SORCS3: variants seen among roughly 807,000 people sequenced by gnomAD.
The protein encoded by SORCS3 is sortilin related VPS10 domain containing receptor 3, also known as VPS10 domain-containing receptor SorCS3.
SORCS3 carries 57 observed loss-of-function variants against 146.3 expected under a neutral mutation model. The observed-to-expected ratio is 0.39, with a 90% CI of 0.31 to 0.49. The LOEUF (loss-of-function observed/expected upper bound fraction) is 0.49, where lower values mean the gene tolerates loss of function less well. Among genes scored for constraint, SORCS3 ranks in the 20% least tolerant of loss-of-function variants. The probability of loss-of-function intolerance (pLI) is 0.92; values close to 1 mark genes in which losing one functional copy is unlikely to be tolerated. For synonymous variants in SORCS3, 653 were observed against 618.5 expected, an observed-to-expected ratio of 1.06 and a Z score of -0.83; for missense variants, 1,341 against 1,575.5, an observed-to-expected ratio of 0.85 and a Z score of 2.52.
intron 14 of SORCS3, among the ~76,000 whole-genome samples, chr10:105,197,252 C>T (rs146863573): frequency 1.4e-4 from 21 of 152,254 alleles, no homozygotes; most frequent in Admixed American, 3.9e-4. Context: ...TGCAGTGTAC[C>T]GTCTTAGTCA....
At chr10:105,212,426 C>T (rs958228035) in intron 17 of SORCS3, among the ~76,000 whole-genome samples, 6 of 152,124 alleles carry the variant, frequency 3.9e-5, no homozygotes, top group Non-Finnish European at 8.8e-5. Context: ...GAGTATTATG[C>T]GCACAAGTTA....
At chr10:105,054,459 A>G (rs779634187) in intron 5 of SORCS3, among the ~76,000 whole-genome samples, 8 of 152,016 alleles carry the variant, frequency 5.3e-5, no homozygotes, top group Middle Eastern at 6.8e-3. Context: ...TATTTTAGAA[A>G]TCTCATATTA....
chr10:104,911,253 G>C (rs994650130), intron 2 of SORCS3, among the ~76,000 whole-genome samples: 2 of 152,238 alleles, frequency 1.3e-5, no homozygotes, highest in African/African-American at 4.8e-5. Flanking sequence ...GGCACTGTTG[G>C]TTCCATAGGC....
intron 3 of SORCS3, among the ~76,000 whole-genome samples, chr10:104,939,381 TG>T (rs1301138817): frequency 1.3e-5 from 2 of 152,214 alleles, no homozygotes; most frequent in African/African-American, 4.8e-5. Context: ...TGCCTGGCAC[TG>T]GGTTGACATT....
intron 1 of SORCS3, among the ~76,000 whole-genome samples, chr10:104,692,512 C>T (rs995154740): frequency 4.6e-5 from 7 of 152,158 alleles, no homozygotes; most frequent in Non-Finnish European, 8.8e-5. Context: ...CTCTGTTCTC[C>T]ATGGTGCCTG....
intron 4 of SORCS3, among the ~76,000 whole-genome samples, chr10:105,023,031 G>A (rs566916003): frequency 6.6e-6 from 1 of 152,224 alleles, no homozygotes; most frequent in South Asian, 2.1e-4. Flanking sequence ...ACCAGTTAAT[G>A]ACCCACATTA....
At chr10:105,190,345 A>G (rs569566596) in intron 14 of SORCS3, among the ~76,000 whole-genome samples, 1 of 152,366 alleles carries the variant, frequency 6.6e-6, no homozygotes, top group African/African-American at 2.4e-5. Context: ...GAGATGATCC[A>G]TGCATAGTTG....
At chr10:105,006,637 C>G (rs2055097626) in intron 4 of SORCS3, among the ~76,000 whole-genome samples, 1 of 152,166 alleles carries the variant, frequency 6.6e-6, no homozygotes. Context: ...TGCCACTTCT[C>G]TGGCCTTATC....
At chr10:105,019,302 T>C (rs1222557738) in intron 4 of SORCS3, among the ~76,000 whole-genome samples, 2 of 152,210 alleles carry the variant, frequency 1.3e-5, no homozygotes, top group Admixed American at 1.3e-4. Context: ...CTACTCTATA[T>C]CGTATAGTAT....
intron 3 of SORCS3, among the ~76,000 whole-genome samples, chr10:104,920,855 G>A (rs1406922063): frequency 2.6e-5 from 4 of 152,160 alleles, no homozygotes; most frequent in Non-Finnish European, 5.9e-5. Context: ...GGTGGCATCA[G>A]CATTATTTTA....
chr10:104,680,731 T>C (rs1032810723), intron 1 of SORCS3, among the ~76,000 whole-genome samples: 5 of 152,266 alleles, frequency 3.3e-5, no homozygotes, highest in Non-Finnish European at 7.3e-5. Flanking sequence ...TATTATTATT[T>C]GTGCCGAGGC....
intron 1 of SORCS3, among the ~76,000 whole-genome samples, chr10:104,758,910 C>T (rs527849938): frequency 2.0e-5 from 3 of 152,230 alleles, no homozygotes; most frequent in African/African-American, 4.8e-5. Flanking sequence ...TTAGGGAAAC[C>T]GGTTTCAAAC....
At chr10:104,759,222 G>A (rs1022756872) in intron 1 of SORCS3, among the ~76,000 whole-genome samples, 11 of 152,184 alleles carry the variant, frequency 7.2e-5, no homozygotes, top group Admixed American at 2.0e-4. Context: ...CTGGCCAGAG[G>A]CTGGAAAAGA....
At chr10:105,093,803 A>T (rs576188964) in intron 6 of SORCS3, among the ~76,000 whole-genome samples, 17 of 152,304 alleles carry the variant, frequency 1.1e-4, no homozygotes, top group African/African-American at 3.8e-4. Flanking sequence ...AAAATGGTAC[A>T]GCTACTCTGA....
intron 5 of SORCS3, among the ~76,000 whole-genome samples, chr10:105,076,499 C>A (rs1428806810): frequency 6.6e-6 from 1 of 152,322 alleles, no homozygotes; most frequent in Middle Eastern, 3.4e-3. Context: ...ACCAACCCCA[C>A]CATCCACCCT....
At chr10:105,211,726 G>A (rs7894420) in intron 17 of SORCS3, among the ~76,000 whole-genome samples, 49,209 of 152,100 alleles carry the variant, frequency 0.32, 8,060 homozygotes, top group South Asian at 0.44. Context: ...CTCAAATGAC[G>A]TGTGTGTTTA....
intron 1 of SORCS3, among the ~76,000 whole-genome samples, chr10:104,719,972 T>C (rs2016525168): frequency 6.8e-6 from 1 of 146,650 alleles, no homozygotes. Context: ...AGCTTTCTGC[T>C]CATAGGTTTT....
chr10:104,865,927 A>G (rs763339655), intron 2 of SORCS3, among the ~76,000 whole-genome samples: 1 of 152,212 alleles, frequency 6.6e-6, no homozygotes, highest in African/African-American at 2.4e-5. Flanking sequence ...ATGAGTCTTC[A>G]TGGGAAGGAG....
chr10:105,243,045 ATATATATT>A lies in SORCS3; in HGVS notation c.2869-2481_2869-2474del, dbSNP rs906674701. 2.0e-4 allele frequency among the ~76,000 whole-genome samples: 27 copies of A among 134,786 alleles called. No individual in the cohort carries two copies. In the South Asian group the frequency reaches 5.0e-3, roughly 25 times the overall value. 88.4% of individuals were successfully genotyped at this position (134,786 alleles called of 152,430 possible). On this transcript the variant is annotated intron_variant, in intron 20 of 26. Transcript: ENST00000369701. ...TATACATATATATTTACATATATTT[ATATATATT>A]TATATATTTATATATATTTATATAT...
Sources: allele counts gnomAD v4.1 joint callset (sites outside exome capture counted in the v4.1 genomes callset), GRCh38; gene constraint gnomAD v4.1.1; transcripts MANE v1.5; gene names NCBI Gene and HGNC (gene_info 2026-07-23, HGNC 2026-07-21).